The following COX7A2L variants were observed in gnomAD, a reference collection of about 807,000 sequenced individuals.
COX7A2L encodes cytochrome c oxidase subunit 7A2-like, mitochondrial.
COX7A2L carries 18 observed loss-of-function variants against 14.2 expected under a neutral mutation model. The ratio of observed to expected loss-of-function variants is 1.27; its 90% confidence interval spans 0.88 to 1.88. The LOEUF (loss-of-function observed/expected upper bound fraction) is 1.88, where lower values mean the gene tolerates loss of function less well. COX7A2L is among the 40% of genes most tolerant of loss of function. The probability of loss-of-function intolerance (pLI) is 0.00; values close to 1 mark genes in which losing one functional copy is unlikely to be tolerated. For missense variants in COX7A2L, 179 were observed against 138.8 expected (o/e 1.29, Z -1.46); for synonymous variants, 65 against 57.4 (o/e 1.13, Z -0.60).
At chr2:42,343,596 G>A (rs1244690851) in intron 2 of COX7A2L, among the ~76,000 whole-genome samples, 1 of 152,186 alleles carries the variant, frequency 6.6e-6, no homozygotes, top group East Asian at 1.9e-4. Flanking sequence ...CCTAGGAGGT[G>A]TGGAGGCAAA....
chr2:42,361,015 C>T (rs1159931602), intron 1 of COX7A2L, 75 bp downstream of exon 1: 1 of 1,538,920 alleles, frequency 6.5e-7, no homozygotes, highest in East Asian at 2.3e-5. Flanking sequence ...CCCCTGGCTC[C>T]AACGCCGCGA....
rs1313246313 is a variant in COX7A2L, at chr2:42,339,899, A to C, written c.193-6030T>G. Among the ~76,000 whole-genome samples the C allele has an allele frequency of 6.6e-6, 1 of 152,066 alleles. No individual in the cohort carries two copies. Among genetic ancestry groups the C allele is most frequent in the Non-Finnish European group, 1.5e-5 (1 of 67,994 alleles). On this transcript the variant is annotated intron_variant, in intron 2 of 2. Transcript: ENST00000468711. This position sits in a 1 kb window ranked among gnomAD's most constrained non-coding sequence, Gnocchi z 5.4. ...CGTGTCCACCTTCCTCTGTTCACAC[A>C]ACCCGTGAACCTCGCTGCTCTCTTC...
chr2:42,353,411 G>A (rs1225659948), intron 1 of COX7A2L, 68 bp from the exon 2 acceptor site: 4 of 1,576,600 alleles, frequency 2.5e-6, no homozygotes, highest in East Asian at 4.5e-5. Flanking sequence ...AATAGTGGAG[G>A]CAGCCATTCA....
At chr2:42,348,669 A>G (rs1054546791), downstream of COX7A2L, among the ~76,000 whole-genome samples, 1 of 152,186 alleles carries the variant, frequency 6.6e-6, no homozygotes, top group African/African-American at 2.4e-5. Context: ...CTGTAATCCC[A>G]GCACTTTAGG....
At chr2:42,354,059 G>A (rs1572794416) in intron 1 of COX7A2L, among the ~76,000 whole-genome samples, 2 of 152,210 alleles carry the variant, frequency 1.3e-5, no homozygotes, top group East Asian at 3.8e-4. Context: ...ACAGAAGGTA[G>A]GTTAATGGTT....
intron 1 of COX7A2L, 60 bp from the exon 2 acceptor site, chr2:42,353,403 T>C: frequency 6.3e-7 from 1 of 1,594,282 alleles, no homozygotes; most frequent in African/African-American, 1.4e-5. Flanking sequence ...CTGTCTGGAA[T>C]AGTGGAGGCA....
rs1426324461 is a variant in COX7A2L at position 42,353,269 on chromosome 2, G to A, written c.147C>T (p.Ser49=). The change falls in exon 2 of 3, where the codon TCC becomes TCT. Residue 49 remains serine, a synonymous_variant. Coordinates refer to ENST00000234301, the MANE Select transcript of COX7A2L (RefSeq NM_004718.4). ...FATPTKLTSD[S]TVYDYAGKNK... ...TTTTCCCAGCATAATCATACACTGT[G>A]GAATCGGAGGTCAGTTTAGTTGGTG... The A allele has an allele frequency of 6.2e-7, 1 of 1,614,038 alleles. No homozygotes were observed. The highest frequency in any genetic ancestry group is 2.2e-5 in the East Asian group (1 of 44,890).
At chr2:42,347,310 T>A (rs866612324), downstream of COX7A2L, among the ~76,000 whole-genome samples, 19,148 of 148,546 alleles carry the variant, frequency 0.13, 1,217 homozygotes, top group East Asian at 0.18. Flanking sequence ...CCAGCACCTT[T>A]TTTTTTTTTT....
downstream of COX7A2L, among the ~76,000 whole-genome samples, chr2:42,347,476 T>G (rs12986823): frequency 0.27 from 40,554 of 151,924 alleles, 6,017 homozygotes; most frequent in East Asian, 0.56. Flanking sequence ...AGCAAAAAAT[T>G]TGAAACTGAA....
upstream of COX7A2L, among the ~76,000 whole-genome samples, chr2:42,362,863 C>CT (rs529125372): frequency 4.9e-3 from 661 of 134,216 alleles, 1 homozygote; most frequent in East Asian, 0.019. Flanking sequence ...TAGTGATTTC[C>CT]TTTTTTTTTT....
At chr2:42,337,865 A>T (rs1670316117) in intron 2 of COX7A2L, among the ~76,000 whole-genome samples, 1 of 152,220 alleles carries the variant, frequency 6.6e-6, no homozygotes, top group African/African-American at 2.4e-5. Context: ...GTGCACCTGC[A>T]GTGCTCCACT....
chr2:42,346,281 G>A (rs1042378728), downstream of COX7A2L, among the ~76,000 whole-genome samples: 1 of 152,214 alleles, frequency 6.6e-6, no homozygotes, highest in Non-Finnish European at 1.5e-5. Context: ...AATCAAGAGA[G>A]TGACAGAAAG....
intron 1 of COX7A2L, 134 bp from the exon 2 acceptor site, chr2:42,353,477 A>G: frequency 8.5e-7 from 1 of 1,179,094 alleles, no homozygotes; most frequent in African/African-American, 1.6e-5. Context: ...CCTGTCAAGA[A>G]CCCCTTGCCA....
chr2:42,361,953 G>A (rs1412576280), upstream of COX7A2L: 6 of 152,170 alleles, frequency 3.9e-5, no homozygotes, highest in Non-Finnish European at 7.3e-5. Context: ...GTAGCCTCCT[G>A]GGCTTTGTGC....
At position 42,353,316 on chromosome 2, in the gene COX7A2L, C is replaced by G. The variant is rs150177100; in HGVS notation, c.100G>C (p.Ala34Pro). The G allele has an allele frequency of 4.2e-4, 674 of 1,613,950 alleles. No individual in the cohort carries two copies. Among genetic ancestry groups the G allele is most frequent in the Non-Finnish European group, 5.2e-4 (616 of 1,179,928 alleles). The change falls in exon 2 of 3, where the codon GCA becomes CCA. Residue 34 changes from alanine (A) to proline (P), a missense_variant. Physicochemically the swap from Ala to Pro is conservative, Grantham distance 27. Transcript: ENST00000234301. ...GGTGTGGCAAATATGATAGGTGGTG[C>G]TTCTGTGGAAACCACAGGCTTTAAT... is the stretch of plus-strand genomic sequence containing the variant. ...QGLKPVVSTE[A>P]PPIIFATPTK...
chr2:42,357,423 G>T (rs181607442), intron 1 of COX7A2L, among the ~76,000 whole-genome samples: 1 of 152,150 alleles, frequency 6.6e-6, no homozygotes, highest in African/African-American at 2.4e-5. Flanking sequence ...ATCCTTCCGC[G>T]TCAGCCTCCT....
intron 2 of COX7A2L, among the ~76,000 whole-genome samples, chr2:42,340,150 C>T (rs12465160): frequency 0.24 from 35,989 of 151,964 alleles, 4,779 homozygotes; most frequent in East Asian, 0.55. Flanking sequence ...CAAAGAAACA[C>T]GCCCTGCCTT....
At chr2:42,336,327 C>A (rs902732517) in intron 2 of COX7A2L, among the ~76,000 whole-genome samples, 1 of 152,134 alleles carries the variant, frequency 6.6e-6, no homozygotes, top group Non-Finnish European at 1.5e-5. Context: ...TGAATATGGA[C>A]CACTGCTGAT....
intron 2 of COX7A2L, among the ~76,000 whole-genome samples, chr2:42,341,041 A>AC (rs71408095): frequency 0.44 from 67,044 of 151,928 alleles, 15,167 homozygotes; most frequent in East Asian, 0.74. Context: ...ACGCTGGCTT[A>AC]GAGATTCTGT....
Sources: allele counts gnomAD v4.1 joint callset (sites outside exome capture counted in the v4.1 genomes callset), GRCh38; gene constraint gnomAD v4.1.1; non-coding constraint Gnocchi (gnomAD v3.1); transcripts MANE v1.5; gene names NCBI Gene and HGNC (gene_info 2026-07-23, HGNC 2026-07-21).